The following BCKDHB variants were observed in gnomAD, a reference collection of about 807,000 sequenced individuals.
BCKDHB encodes the protein branched chain keto acid dehydrogenase E1 subunit beta.
A neutral mutation model predicts 48.5 loss-of-function variants in BCKDHB; 41 were observed. The ratio of observed to expected loss-of-function variants is 0.85; its 90% CI spans 0.66 to 1.10. The LOEUF is 1.10. BCKDHB is among the 50% of genes least tolerant of loss of function. The pLI is 0.00. For synonymous variants in BCKDHB, 201 were observed against 174.8 expected (o/e 1.15, Z -1.18); for missense variants, 496 against 494.2 (o/e 1.00, Z -0.03).
the BCKDHB span, among the ~76,000 whole-genome samples, chr6:80,376,527 G>T: frequency 8.5e-5 from 13 of 152,204 alleles, no homozygotes; most frequent in Non-Finnish European, 1.9e-4. Flanking sequence ...CAAAGGGTCT[G>T]TGAATTCTCT....
chr6:80,204,897 A>G (rs1348974380), intron 8 of BCKDHB, among the ~76,000 whole-genome samples: 1 of 152,014 alleles, frequency 6.6e-6, no homozygotes, highest in Non-Finnish European at 1.5e-5. Flanking sequence ...ATGCAGATCC[A>G]TTTTCCTTAG....
At chr6:80,309,346 T>C (rs1768041472) in intron 9 of BCKDHB, among the ~76,000 whole-genome samples, 1 of 152,080 alleles carries the variant, frequency 6.6e-6, no homozygotes, top group Non-Finnish European at 1.5e-5. Context: ...ATTACAGGAG[T>C]GAGCCACCAT....
chr6:80,341,216 A>G (rs1769886101), intron 9 of BCKDHB, among the ~76,000 whole-genome samples: 2 of 152,208 alleles, frequency 1.3e-5, no homozygotes, highest in South Asian at 2.1e-4. Flanking sequence ...TACATAATTT[A>G]CAGTAATCGT....
intron 6 of BCKDHB, among the ~76,000 whole-genome samples, chr6:80,183,803 A>G (rs945035184): frequency 4.6e-5 from 7 of 152,278 alleles, no homozygotes; most frequent in Admixed American, 1.3e-4. Flanking sequence ...CCATAGTTTT[A>G]TCTTTTCCAG....
chr6:80,343,848 C>A lies in BCKDHB; in HGVS notation c.*44C>A, dbSNP rs1400671882. 2.5e-6 allele frequency: 4 copies of A among 1,604,714 alleles called. No individual in the cohort carries two copies. Among genetic ancestry groups the A allele is most frequent in the Non-Finnish European group, 3.4e-6 (4 of 1,171,876 alleles). On this transcript the variant is annotated 3_prime_UTR_variant, in exon 10 of 10. Coordinates refer to ENST00000320393, the MANE Select transcript of BCKDHB (RefSeq NM_183050.4). ...ATCTTGAGAAAGCTACTATGTGCCC[C>A]TGACATTAACGTACTGTTAACCAAG... is the stretch of plus-strand genomic sequence containing the variant.
intron 9 of BCKDHB, among the ~76,000 whole-genome samples, chr6:80,311,239 A>G (rs1768142261): frequency 6.6e-6 from 1 of 152,066 alleles, no homozygotes; most frequent in Admixed American, 6.6e-5. Context: ...TTCCCCCATG[A>G]TTGTGAGCCC....
intron 3 of BCKDHB, among the ~76,000 whole-genome samples, chr6:80,143,243 T>TGAGTTGATATTGTCACTTACCTGAA (rs1771311697): frequency 6.6e-6 from 1 of 152,112 alleles, no homozygotes; most frequent in Non-Finnish European, 1.5e-5. Flanking sequence ...GCTCAGACAT[T>TGAGTTGATATTGTCACTTACCTGAA]GAGTTGATAT....
intron 9 of BCKDHB, among the ~76,000 whole-genome samples, chr6:80,284,565 T>C (rs1737407058): frequency 6.6e-6 from 1 of 152,142 alleles, no homozygotes; most frequent in Admixed American, 6.5e-5. Flanking sequence ...GATCAGATAA[T>C]GACATTTGCT....
chr6:80,365,878 C>T, the BCKDHB span, among the ~76,000 whole-genome samples: 3 of 152,156 alleles, frequency 2.0e-5, no homozygotes, highest in African/African-American at 7.2e-5. Flanking sequence ...GGGTCCCTGA[C>T]TTCCTGCAAC....
chr6:80,290,864 T>G (rs1236399518), intron 9 of BCKDHB, among the ~76,000 whole-genome samples: 1 of 152,246 alleles, frequency 6.6e-6, no homozygotes, highest in Non-Finnish European at 1.5e-5. Context: ...GGATGGATTA[T>G]TTATGCCTCC....
At chr6:80,140,496 G>C (rs539898440) in intron 3 of BCKDHB, among the ~76,000 whole-genome samples, 95 of 152,258 alleles carry the variant, frequency 6.2e-4, no homozygotes, top group African/African-American at 2.3e-3. Context: ...CGAATTTATT[G>C]TGAGTTTTTA....
In BCKDHB at chr6:80,171,288, A is replaced by G; in HGVS notation, c.640A>G (p.Ile214Val). 1 of 1,605,658 alleles carries G rather than the reference A, an allele frequency of 6.2e-7. No individual in the cohort carries two copies. The highest frequency in any genetic ancestry group is 8.5e-7 in the Non-Finnish European group (1 of 1,174,766). The change falls in exon 6 of 10, where the codon ATA (isoleucine) becomes GTA (valine). Residue 214 changes from isoleucine to valine, a missense_variant. Coordinates refer to ENST00000320393, the MANE Select transcript of BCKDHB (RefSeq NM_183050.4). ...AAAAAATCTGTTTTTGCAGGTGGTT[A>G]TACCCAGAAGCCCTTTCCAGGCCAA... The part of the protein sequence containing the change: ...FAHCPGIKVV[I>V]PRSPFQAKGL...
rs551279338 is a variant in BCKDHB, at chr6:80,108,171, T to A, written c.196+1282T>A. Among the ~76,000 whole-genome samples the A allele has an allele frequency of 1.2e-3, 177 of 152,214 alleles. 1 individual carries two copies. Among genetic ancestry groups the A allele is most frequent in the African/African-American group, 4.0e-3 (168 of 41,536 alleles). On this transcript the variant is annotated intron_variant, in intron 1 of 9. Coordinates refer to ENST00000320393, the MANE Select transcript of BCKDHB (RefSeq NM_183050.4). ...GGTAAGTTAGTGGTAGCTCCAAAGCTCCAGCTTTGGAATCTAATTGATCAG... is the reference window on the plus strand; with the variant it reads ...GGTAAGTTAGTGGTAGCTCCAAAGCACCAGCTTTGGAATCTAATTGATCAG...
At chr6:80,408,640 G>C in the BCKDHB span, among the ~76,000 whole-genome samples, 41 of 152,146 alleles carry the variant, frequency 2.7e-4, no homozygotes, top group African/African-American at 8.7e-4. Context: ...TAGGTTATTT[G>C]CATAGAGGTG....
the BCKDHB span, among the ~76,000 whole-genome samples, chr6:80,361,422 C>T: frequency 6.6e-6 from 1 of 152,188 alleles, no homozygotes; most frequent in Non-Finnish European, 1.5e-5. Context: ...TGACAGGTCC[C>T]TCTCTCTAAA....
chr6:80,173,905 GT>G (rs1272432061), intron 6 of BCKDHB, among the ~76,000 whole-genome samples: 1 of 150,520 alleles, frequency 6.6e-6, no homozygotes, highest in Non-Finnish European at 1.5e-5. Flanking sequence ...ACATACAGTT[GT>G]TTGGAATGAT....
At chr6:80,411,964 C>T in the BCKDHB span, among the ~76,000 whole-genome samples, 3 of 152,186 alleles carry the variant, frequency 2.0e-5, no homozygotes, top group African/African-American at 7.2e-5. Context: ...TGGGCTGCAC[C>T]CACTGTCCAG....
intron 8 of BCKDHB, among the ~76,000 whole-genome samples, chr6:80,243,657 C>T (rs1437244540): frequency 1.3e-5 from 2 of 152,080 alleles, no homozygotes; most frequent in African/African-American, 2.4e-5. Flanking sequence ...CTCAGCCTCC[C>T]GAGTAACTGG....
chr6:80,435,093 T>C, the BCKDHB span, among the ~76,000 whole-genome samples: 1 of 152,290 alleles, frequency 6.6e-6, no homozygotes, highest in East Asian at 1.9e-4. Context: ...GAAAACTATT[T>C]CTAGGCAGCA....
Sources: gnomAD v4.1 joint callset for allele counts (sites outside exome capture counted in the v4.1 genomes callset) on GRCh38, gnomAD v4.1.1 for gene constraint, MANE v1.5 for transcripts, NCBI Gene and HGNC (gene_info 2026-07-23, HGNC 2026-07-21) for gene names.